CSMD1: variants seen among roughly 807,000 people sequenced by gnomAD.
The protein encoded by CSMD1 is CUB and sushi domain-containing protein 1.
A neutral mutation model predicts 417.5 loss-of-function variants in CSMD1; 213 were observed. The observed-to-expected ratio is 0.51, with a 90% CI of 0.46 to 0.57. The LOEUF is 0.57. CSMD1 is among the 20% of genes least tolerant of loss of function. The pLI, the probability that CSMD1 is intolerant of heterozygous loss-of-function variation, is 0.00. For missense variants in CSMD1, 6,923 were observed against 4,529.7 expected, an observed-to-expected ratio of 1.53 and a Z score of -15.17; for synonymous variants, 2,862 against 1,736.8, an observed-to-expected ratio of 1.65 and a Z score of -16.11.
At chr8:3,042,065 T>A (rs1811133210) in intron 50 of CSMD1, among the ~76,000 whole-genome samples, 1 of 152,142 alleles carries the variant, frequency 6.6e-6, no homozygotes, top group Admixed American at 6.5e-5. Flanking sequence ...TCCCTCATCA[T>A]CACACAATGG....
At chr8:4,137,622 A>T (rs1803516418) in intron 3 of CSMD1, among the ~76,000 whole-genome samples, 1 of 131,668 alleles carries the variant, frequency 7.6e-6, no homozygotes, top group Non-Finnish European at 1.8e-5. Context: ...ACAACTGTTA[A>T]TTGATCACAT....
chr8:4,125,263 C>T (rs945438799), intron 3 of CSMD1, among the ~76,000 whole-genome samples: 5 of 152,204 alleles, frequency 3.3e-5, no homozygotes, highest in Admixed American at 2.0e-4. Context: ...TTCGAAGTCA[C>T]CCCTCTGCTC....
chr8:3,954,646 G>C (rs574396692), intron 5 of CSMD1, among the ~76,000 whole-genome samples: 2 of 152,234 alleles, frequency 1.3e-5, no homozygotes, highest in African/African-American at 2.4e-5. Flanking sequence ...ACAGGCGTGA[G>C]CCACCGCACC....
intron 1 of CSMD1, among the ~76,000 whole-genome samples, chr8:4,811,724 T>G (rs971101382): frequency 6.6e-6 from 1 of 152,070 alleles, no homozygotes; most frequent in African/African-American, 2.4e-5. Context: ...ACTGATTCAT[T>G]TTTTTTGCTT....
intron 10 of CSMD1, among the ~76,000 whole-genome samples, chr8:3,505,967 A>G (rs1420298910): frequency 1.3e-5 from 2 of 152,210 alleles, no homozygotes; most frequent in Non-Finnish European, 2.9e-5. Flanking sequence ...CCAGAAAGGA[A>G]GAGGGTTGAG....
intron 5 of CSMD1, among the ~76,000 whole-genome samples, chr8:3,781,958 G>A (rs1025582722): frequency 9.2e-5 from 14 of 151,842 alleles, no homozygotes; most frequent in Middle Eastern, 3.2e-3. Context: ...CATTAAAAAA[G>A]GAGTATGTGG....
intron 9 of CSMD1, among the ~76,000 whole-genome samples, chr8:3,583,603 A>G (rs993988645): frequency 6.6e-6 from 1 of 152,064 alleles, no homozygotes; most frequent in Admixed American, 6.6e-5. Context: ...TGCTGATACT[A>G]AAACATGATA....
chr8:4,487,244 C>A (rs566290976), intron 2 of CSMD1, among the ~76,000 whole-genome samples: 1 of 152,148 alleles, frequency 6.6e-6, no homozygotes, highest in African/African-American at 2.4e-5. Flanking sequence ...CATATGTATA[C>A]ATGTGCCATG....
At chr8:3,364,394 G>A (rs552095549) in intron 20 of CSMD1, among the ~76,000 whole-genome samples, 2 of 152,080 alleles carry the variant, frequency 1.3e-5, no homozygotes, top group Admixed American at 1.3e-4. Context: ...TTTTCTACTG[G>A]TTATGTTTAA....
intron 3 of CSMD1, among the ~76,000 whole-genome samples, chr8:4,161,436 A>T (rs1797156179): frequency 6.6e-6 from 1 of 152,208 alleles, no homozygotes; most frequent in Non-Finnish European, 1.5e-5. Context: ...TTAGAAGAGA[A>T]AATTGAAACT....
At chr8:3,884,559 G>A (rs1231552344) in intron 5 of CSMD1, among the ~76,000 whole-genome samples, 1 of 152,162 alleles carries the variant, frequency 6.6e-6, no homozygotes, top group Admixed American at 6.5e-5. Flanking sequence ...ATATACCTGG[G>A]TGTGGAATTG....
intron 2 of CSMD1, among the ~76,000 whole-genome samples, chr8:4,478,282 T>C (rs1449020770): frequency 6.6e-6 from 1 of 152,182 alleles, no homozygotes; most frequent in Non-Finnish European, 1.5e-5. Flanking sequence ...AGGTTGAAAA[T>C]AGTAAAAAGC....
At chr8:3,184,583 C>G (rs747712964) in intron 36 of CSMD1, among the ~76,000 whole-genome samples, 1 of 152,180 alleles carries the variant, frequency 6.6e-6, no homozygotes, top group Non-Finnish European at 1.5e-5. Context: ...TTGTTCTGCA[C>G]ACAAAATAAC....
chr8:4,863,628 A>G (rs1802259880), intron 1 of CSMD1, among the ~76,000 whole-genome samples: 1 of 152,022 alleles, frequency 6.6e-6, no homozygotes, highest in Non-Finnish European at 1.5e-5. Flanking sequence ...CCACCTCTCC[A>G]TATCCACCCA....
chr8:4,636,296 T>C (rs1802807444), intron 2 of CSMD1, among the ~76,000 whole-genome samples: 1 of 152,184 alleles, frequency 6.6e-6, no homozygotes, highest in Admixed American at 6.5e-5. Flanking sequence ...GTATAATTTT[T>C]TCTTGTTGAC....
chr8:3,895,085 C>T (rs1452333897), intron 5 of CSMD1, among the ~76,000 whole-genome samples: 1 of 152,152 alleles, frequency 6.6e-6, no homozygotes, highest in African/African-American at 2.4e-5. Flanking sequence ...TATAATTAAA[C>T]ATTCAAGGAC....
chr8:4,392,201 T>C (rs1370733), intron 3 of CSMD1, among the ~76,000 whole-genome samples: 53,181 of 152,112 alleles, frequency 0.35, 9,538 homozygotes, highest in Middle Eastern at 0.48. Flanking sequence ...AGGTTGCTTT[T>C]TACACAGCAG....
At chr8:4,807,367 C>T (rs1798649781) in intron 1 of CSMD1, among the ~76,000 whole-genome samples, 1 of 152,140 alleles carries the variant, frequency 6.6e-6, no homozygotes, top group Non-Finnish European at 1.5e-5. Flanking sequence ...GCAGTACTCT[C>T]CTGAGCTTCC....
intron 5 of CSMD1, among the ~76,000 whole-genome samples, chr8:3,894,160 G>A (rs778338624): frequency 4.1e-4 from 62 of 152,118 alleles, no homozygotes; most frequent in Non-Finnish European, 1.2e-4. Context: ...ACTACTCTAT[G>A]CTACACTTCT....
Sources: gnomAD v4.1 joint callset for allele counts (sites outside exome capture counted in the v4.1 genomes callset) on GRCh38, gnomAD v4.1.1 for gene constraint, MANE v1.5 for transcripts, NCBI Gene and HGNC (gene_info 2026-07-23, HGNC 2026-07-21) for gene names.